Variants in CMSS1 observed in about 807,000 individuals in gnomAD.
CMSS1 encodes protein CMSS1.
Under a neutral mutation model 43.5 loss-of-function variants are expected in CMSS1, and 33 were observed. The observed-to-expected ratio is 0.76, with a 90% CI of 0.57 to 1.01. CMSS1 has a LOEUF of 1.01. Ranked by LOEUF, CMSS1 falls within the 50% of genes least tolerant of loss-of-function variation. The pLI is 0.00. For missense variants in CMSS1, 313 were observed against 326.4 expected (o/e 0.96, Z 0.32); for synonymous variants, 115 against 117.2 (o/e 0.98, Z 0.12).
chr3:99,933,336 G>A (rs1413833448), intron 1 of CMSS1, among the ~76,000 whole-genome samples: 2 of 152,136 alleles, frequency 1.3e-5, no homozygotes, highest in Non-Finnish European at 2.9e-5. Flanking sequence ...TCCCTAGGTA[G>A]CCAGGGAAAG....
intron 6 of CMSS1, among the ~76,000 whole-genome samples, chr3:100,171,447 C>T (rs1017135025): frequency 6.6e-6 from 1 of 151,964 alleles, no homozygotes; most frequent in African/African-American, 2.4e-5. Context: ...CTGACATCAC[C>T]GCTCCAAGAT....
chr3:100,021,051 C>T (rs2064806294), intron 1 of CMSS1, among the ~76,000 whole-genome samples: 1 of 152,174 alleles, frequency 6.6e-6, no homozygotes, highest in Non-Finnish European at 1.5e-5. Flanking sequence ...AGGCGTGAGC[C>T]ACCACGCCTA....
chr3:99,818,728 A>T (rs1942373280), intron 1 of CMSS1, among the ~76,000 whole-genome samples: 1 of 152,238 alleles, frequency 6.6e-6, no homozygotes, highest in African/African-American at 2.4e-5. Context: ...AAGTAACTTG[A>T]CAAGTTCACA....
chr3:99,881,392 C>T (rs73136665), intron 1 of CMSS1, among the ~76,000 whole-genome samples: 25 of 151,990 alleles, frequency 1.6e-4, no homozygotes, highest in African/African-American at 6.0e-4. Context: ...TGAAAAAAAA[C>T]CCCCAAATCA....
intron 1 of CMSS1, chr3:99,848,860 C>T (rs1367402869): frequency 1.2e-6 from 2 of 1,614,072 alleles, no homozygotes; most frequent in Non-Finnish European, 1.7e-6. Context: ...TGGCGTGCCA[C>T]AGTTCGGTAT....
intron 1 of CMSS1, among the ~76,000 whole-genome samples, chr3:99,998,839 G>T (rs528229427): frequency 7.9e-5 from 12 of 152,292 alleles, no homozygotes; most frequent in East Asian, 7.7e-4. Context: ...AAAGTAATGG[G>T]ATTACAGGCG....
Position 99,977,377 on chromosome 3 carries a change from C to A in CMSS1, c.64+159334C>A, listed in dbSNP as rs563108966. 7.2e-5 allele frequency among the ~76,000 whole-genome samples: 11 copies of A among 152,140 alleles called. No homozygotes were observed. The South Asian group carries it at 1.7e-3, about 23-fold the overall frequency. On this transcript the variant is annotated intron_variant, in intron 1 of 9. Transcript: ENST00000421999. ...GGACAAATTAGGAGAATAGAGAGAT[C>A]TGAAGCAGGGAAACAAAGTAAGAGT...
chr3:100,086,418 G>A (rs2066008879), intron 1 of CMSS1, among the ~76,000 whole-genome samples: 2 of 151,680 alleles, frequency 1.3e-5, no homozygotes, highest in Admixed American at 1.3e-4. Flanking sequence ...TACCATAAAG[G>A]GGGAAAAAAA....
At chr3:99,858,996 C>T (rs1009839545) in intron 1 of CMSS1, among the ~76,000 whole-genome samples, 1 of 152,226 alleles carries the variant, frequency 6.6e-6, no homozygotes, top group Non-Finnish European at 1.5e-5. Context: ...ACTTGCTAAC[C>T]GTCAAACATA....
intron 1 of CMSS1, among the ~76,000 whole-genome samples, chr3:99,879,122 A>G (rs1336190761): frequency 6.6e-6 from 1 of 152,164 alleles, no homozygotes; most frequent in African/African-American, 2.4e-5. Flanking sequence ...GGTCCTTTCT[A>G]CAATTAGTAA....
chr3:99,818,870 A>AC (rs1390188028), intron 1 of CMSS1, among the ~76,000 whole-genome samples: 2 of 151,902 alleles, frequency 1.3e-5, no homozygotes, highest in Non-Finnish European at 1.5e-5. Context: ...GCGTTAAGTG[A>AC]CCCCCCATGT....
chr3:99,964,022 T>C (rs1227466037), intron 1 of CMSS1, among the ~76,000 whole-genome samples: 2 of 152,064 alleles, frequency 1.3e-5, no homozygotes, highest in South Asian at 4.2e-4. Flanking sequence ...TTCACATGAC[T>C]TTATAATCTT....
chr3:100,038,580 T>G (rs2065149596), intron 1 of CMSS1, among the ~76,000 whole-genome samples: 1 of 152,182 alleles, frequency 6.6e-6, no homozygotes, highest in Non-Finnish European at 1.5e-5. Flanking sequence ...TGTACTTTTG[T>G]AGGGACTGGA....
At chr3:99,861,155 T>C (rs1054650153) in intron 1 of CMSS1, among the ~76,000 whole-genome samples, 6 of 152,184 alleles carry the variant, frequency 3.9e-5, no homozygotes, top group Non-Finnish European at 7.4e-5. Flanking sequence ...TTTCCTCTTT[T>C]CCATACTTTC....
At chr3:100,169,598 A>G (rs1053399057) in intron 6 of CMSS1, among the ~76,000 whole-genome samples, 2 of 152,248 alleles carry the variant, frequency 1.3e-5, no homozygotes, top group African/African-American at 4.8e-5. Flanking sequence ...TTCTCCACTG[A>G]AGTGGAGACA....
intron 1 of CMSS1, among the ~76,000 whole-genome samples, chr3:99,954,740 C>T (rs886949368): frequency 2.0e-5 from 3 of 151,844 alleles, no homozygotes; most frequent in African/African-American, 7.3e-5. Context: ...GCAGGAGAAT[C>T]GCTTGAACCC....
chr3:99,871,561 T>C (rs1944787038), intron 1 of CMSS1, among the ~76,000 whole-genome samples: 1 of 152,176 alleles, frequency 6.6e-6, no homozygotes, highest in Non-Finnish European at 1.5e-5. Context: ...TAAAGCAGGG[T>C]AAGTACCACC....
At chr3:100,117,878 T>TATACACATATATATATATATATATAC (rs1357671856) in intron 1 of CMSS1, among the ~76,000 whole-genome samples, 3 of 129,082 alleles carry the variant, frequency 2.3e-5, no homozygotes, top group Admixed American at 7.8e-5. Context: ...TATATATATA[T>TATACACATATATATATATATATATAC]ACACATACAA....
chr3:100,095,758 A>G (rs777890502), intron 1 of CMSS1, among the ~76,000 whole-genome samples: 2 of 152,228 alleles, frequency 1.3e-5, no homozygotes, highest in Non-Finnish European at 2.9e-5. Flanking sequence ...AACCAAAGCA[A>G]AAATGGACAA....
Sources: allele counts gnomAD v4.1 joint callset (sites outside exome capture counted in the v4.1 genomes callset), GRCh38; gene constraint gnomAD v4.1.1; transcripts MANE v1.5; gene names NCBI Gene and HGNC (gene_info 2026-07-23, HGNC 2026-07-21).